Variants in GRID2 observed in about 807,000 individuals in gnomAD.
GRID2 encodes glutamate receptor ionotropic, delta-2.
A neutral mutation model predicts 114.8 loss-of-function variants in GRID2; 33 were observed. That is an observed-to-expected ratio of 0.29 (90% confidence interval 0.22 to 0.38). The LOEUF is 0.38. Among genes scored for constraint, GRID2 ranks in the 10% least tolerant of loss-of-function variants. The pLI is 1.00. For synonymous variants in GRID2, 505 were observed against 449.9 expected (o/e 1.12, Z -1.55); for missense variants, 1,184 against 1,257.7 (o/e 0.94, Z 0.89).
intron 1 of GRID2, among the ~76,000 whole-genome samples, chr4:92,516,347 A>G (rs537893676): frequency 9.2e-5 from 14 of 152,042 alleles, no homozygotes; most frequent in African/African-American, 3.4e-4. Flanking sequence ...GCAATCAAAT[A>G]CTTAAAATAA....
intron 8 of GRID2, among the ~76,000 whole-genome samples, chr4:93,247,022 C>T (rs536604977): frequency 3.9e-5 from 6 of 152,268 alleles, no homozygotes; most frequent in African/African-American, 1.4e-4. Context: ...GTTGAGATCA[C>T]TTCTGGAGGA....
chr4:92,500,814 C>G (rs1723644795), intron 1 of GRID2, among the ~76,000 whole-genome samples: 1 of 152,100 alleles, frequency 6.6e-6, no homozygotes, highest in African/African-American at 2.4e-5. Flanking sequence ...AGAAGCTCTT[C>G]CGGGGCCATA....
chr4:93,017,157 G>A (rs1189452977), intron 2 of GRID2, among the ~76,000 whole-genome samples: 1 of 152,060 alleles, frequency 6.6e-6, no homozygotes, highest in African/African-American at 2.4e-5. Context: ...TTCCCATGGG[G>A]ATTTTTTAAA....
chr4:93,805,404 T>G (rs1735010376), intron 1 of GRID2, among the ~76,000 whole-genome samples: 1 of 152,210 alleles, frequency 6.6e-6, no homozygotes, highest in South Asian at 2.1e-4. Context: ...TTCACAGACC[T>G]TACTATGGGA....
intron 8 of GRID2, among the ~76,000 whole-genome samples, chr4:93,319,285 A>G (rs1756988253): frequency 6.6e-6 from 1 of 152,182 alleles, no homozygotes; most frequent in African/African-American, 2.4e-5. Flanking sequence ...GTGACTCAGT[A>G]GATAAGAATT....
intron 8 of GRID2, among the ~76,000 whole-genome samples, chr4:93,388,363 T>C (rs1579917697): frequency 6.6e-6 from 1 of 152,342 alleles, no homozygotes; most frequent in East Asian, 1.9e-4. Context: ...CTAGATTTCA[T>C]GCCCAGATTC....
At chr4:93,200,526 A>T (rs1301487639) in intron 4 of GRID2, among the ~76,000 whole-genome samples, 2 of 151,912 alleles carry the variant, frequency 1.3e-5, no homozygotes, top group African/African-American at 2.4e-5. Flanking sequence ...AGATCGCGCC[A>T]CTGCACTCCA....
At chr4:93,793,309 A>G (rs1188149040) in intron 1 of GRID2, among the ~76,000 whole-genome samples, 1 of 152,194 alleles carries the variant, frequency 6.6e-6, no homozygotes, top group Non-Finnish European at 1.5e-5. Flanking sequence ...CAGGCTTTGA[A>G]GATGCCCTCC....
intron 14 of GRID2, among the ~76,000 whole-genome samples, chr4:93,738,720 T>C (rs1731133127): frequency 6.6e-6 from 1 of 152,062 alleles, no homozygotes; most frequent in Non-Finnish European, 1.5e-5. Flanking sequence ...GAACATAATA[T>C]GGAGATCCCA....
intron 1 of GRID2, among the ~76,000 whole-genome samples, chr4:92,449,080 A>G (rs534071278): frequency 2.0e-5 from 3 of 152,250 alleles, no homozygotes; most frequent in South Asian, 2.1e-4. Context: ...AACATGATTT[A>G]GTTAGCTATT....
intron 3 of GRID2, among the ~76,000 whole-genome samples, chr4:93,094,589 A>G (rs966225630): frequency 6.6e-6 from 1 of 152,028 alleles, no homozygotes; most frequent in Non-Finnish European, 1.5e-5. Flanking sequence ...TATAATTTTA[A>G]TGAAAGGCGA....
intron 2 of GRID2, among the ~76,000 whole-genome samples, chr4:92,697,954 CT>C (rs564102112): frequency 6.6e-6 from 1 of 152,034 alleles, no homozygotes; most frequent in East Asian, 1.9e-4. Flanking sequence ...GTAGTTGAGT[CT>C]TTTTTTGTTG....
intron 1 of GRID2, among the ~76,000 whole-genome samples, chr4:92,576,783 T>G (rs982673027): frequency 2.6e-5 from 4 of 152,134 alleles, no homozygotes; most frequent in Non-Finnish European, 4.4e-5. Context: ...TTAGCTGGTA[T>G]TGGAGATCCC....
intron 4 of GRID2, among the ~76,000 whole-genome samples, chr4:93,133,797 G>A (rs575875845): frequency 6.6e-6 from 1 of 152,198 alleles, no homozygotes; most frequent in Admixed American, 6.5e-5. Context: ...GGAGAAAAAA[G>A]AATGCCAAAG....
At chr4:93,452,012 C>T (rs1722734241) in intron 10 of GRID2, among the ~76,000 whole-genome samples, 2 of 152,144 alleles carry the variant, frequency 1.3e-5, no homozygotes, top group South Asian at 4.1e-4. Flanking sequence ...CTCAGATACA[C>T]ATCTAGAAAT....
intron 3 of GRID2, among the ~76,000 whole-genome samples, chr4:93,094,053 A>G (rs1731000231): frequency 6.6e-6 from 1 of 152,042 alleles, no homozygotes; most frequent in South Asian, 2.1e-4. Flanking sequence ...TTGAAGGAAT[A>G]TCTCTGTATG....
chr4:92,859,335 T>G (rs1744381423), intron 2 of GRID2, among the ~76,000 whole-genome samples: 1 of 152,316 alleles, frequency 6.6e-6, no homozygotes, highest in East Asian at 1.9e-4. Context: ...ATTGTTGATT[T>G]GATAGACTAT....
At chr4:93,745,951 G>T (rs1731804885) in intron 14 of GRID2, among the ~76,000 whole-genome samples, 1 of 152,122 alleles carries the variant, frequency 6.6e-6, no homozygotes, top group Non-Finnish European at 1.5e-5. Context: ...TCCCAGTTAG[G>T]TAGCAGGGGC....
chr4:93,769,071 A>T, intron 14 of GRID2, 139 bp from the exon 15 acceptor site: 1 of 754,392 alleles, frequency 1.3e-6, no homozygotes, highest in South Asian at 1.7e-5. Context: ...CTAGCATTCC[A>T]TCTAAAACAA....
Sources: gnomAD v4.1 joint callset for allele counts (sites outside exome capture counted in the v4.1 genomes callset) on GRCh38, gnomAD v4.1.1 for gene constraint, MANE v1.5 for transcripts, NCBI Gene and HGNC (gene_info 2026-07-23, HGNC 2026-07-21) for gene names.